The following WDR20 variants were observed in gnomAD, a reference collection of about 807,000 sequenced individuals.
The protein encoded by WDR20 is WD repeat-containing protein 20.
WDR20 carries 3 observed loss-of-function variants against 38.7 expected under a neutral mutation model. The ratio of observed to expected loss-of-function variants is 0.08; its 90% CI spans 0.04 to 0.20. The LOEUF (loss-of-function observed/expected upper bound fraction) is 0.20. Ranked by LOEUF, WDR20 falls within the 10% of genes least tolerant of loss-of-function variation. WDR20 has a pLI of 1.00. For missense variants in WDR20, 559 were observed against 727.7 expected (o/e 0.77, Z 2.67); for synonymous variants, 298 against 285.6 (o/e 1.04, Z -0.44).
chr14:102,147,839 G>T (rs1410584275), intron 1 of WDR20, among the ~76,000 whole-genome samples: 1 of 152,054 alleles, frequency 6.6e-6, no homozygotes, highest in Non-Finnish European at 1.5e-5. Flanking sequence ...CAAGCCATTC[G>T]CAGGCCTCAG....
chr14:102,209,794 C>T lies in WDR20; in HGVS notation c.1624C>T (p.Leu542Phe), dbSNP rs1157417875. The change falls in exon 3 of 3, where the codon CTT becomes TTT. Residue 542 changes from leucine to phenylalanine, a missense_variant. By Grantham distance (22) the Leu-to-Phe change is conservative (BLOSUM62 0). Transcript: ENST00000342702. The surrounding 1 kb of genome is among the most constrained non-coding windows in gnomAD (Gnocchi z 6.0). ...TGAGAGACTGACTGTACTAATATTTCTTGAAGACTGTATAGTCACTGCTTG... is the reference window on the plus strand; with the variant it reads ...TGAGAGACTGACTGTACTAATATTTTTTGAAGACTGTATAGTCACTGCTTG... ...AHERLTVLIF[L>F]EDCIVTACQE... 1.2e-6 allele frequency: 2 copies of T among 1,613,872 alleles called. No individual in the cohort carries two copies. Among genetic ancestry groups the T allele is most frequent in the African/African-American group, 1.3e-5 (1 of 74,888 alleles).
downstream of WDR20, chr14:102,214,878 T>A (rs1484071261): frequency 1.0e-6 from 1 of 984,886 alleles, no homozygotes; most frequent in Non-Finnish European, 1.2e-6. Flanking sequence ...TGCTTTGTTT[T>A]TTTTTTTAGC....
Position 102,151,257 on chromosome 14 carries a change from G to A in WDR20, c.249+11085G>A, listed in dbSNP as rs948853073. Among the ~76,000 whole-genome samples, 6 of 142,024 alleles carry A rather than the reference G, an allele frequency of 4.2e-5. No homozygotes were observed. In the Admixed American group the frequency reaches 4.4e-4, roughly 10 times the overall value. 93.2% of individuals were successfully genotyped at this position (142,024 alleles called of 152,430 possible). A position where few individuals can be genotyped will look rare whatever the true frequency, so the allele number is the denominator to read the frequency against. The stretch of plus-strand genomic sequence containing the variant: ...ATGAAGGGCTACAGTAGAGCCTGAT[G>A]TTAAACCCAAGGCCTGTGCCTAGGC... On this transcript the variant is annotated intron_variant, in intron 1 of 2. Coordinates refer to ENST00000342702, the MANE Select transcript of WDR20 (RefSeq NM_144574.4).
intron 1 of WDR20, among the ~76,000 whole-genome samples, chr14:102,161,142 A>ATATATATATATATTT (rs1342924049): frequency 3.7e-4 from 6 of 16,048 alleles, no homozygotes; most frequent in African/African-American, 9.6e-4. Context: ...ATATATATAT[A>ATATATATATATATTT]TTTTTTTTTT....
chr14:102,159,020 G>A (rs192025877), intron 1 of WDR20, among the ~76,000 whole-genome samples: 3 of 151,828 alleles, frequency 2.0e-5, no homozygotes, highest in African/African-American at 7.3e-5. Flanking sequence ...AAAGCTCACC[G>A]CAACCTTTAA....
Position 102,221,626 on chromosome 14 carries a change from A to C in WDR20, c.1693-1204A>C, listed in dbSNP as rs115630947. On this transcript the variant is annotated intron_variant, in intron 3 of 3. Coordinates refer to the WDR20 transcript ENST00000335263. The surrounding 1 kb of genome is among the most constrained non-coding windows in gnomAD (Gnocchi z 4.8). The stretch of plus-strand genomic sequence containing the variant: ...GCTGCCACATTCCGTTTGCTTCCTG[A>C]GCTTGTCTAGGTGAACAGATTTCAG... Among the ~76,000 whole-genome samples the C allele has an allele frequency of 4.6e-3, 707 of 152,244 alleles. 6 individuals carry two copies. The highest frequency in any genetic ancestry group is 0.016 in the African/African-American group (656 of 41,540).
chr14:102,195,479 A>G (rs1056567904), intron 2 of WDR20, among the ~76,000 whole-genome samples: 1 of 152,236 alleles, frequency 6.6e-6, no homozygotes, highest in African/African-American at 2.4e-5. Context: ...ATGCAGATCA[A>G]AGAACTTGAT....
chr14:102,182,528 C>T (rs768516126), intron 1 of WDR20, among the ~76,000 whole-genome samples: 2 of 152,056 alleles, frequency 1.3e-5, no homozygotes, highest in Non-Finnish European at 2.9e-5. Context: ...TATATCATTC[C>T]CATTCATGCA....
At chr14:102,213,293 T>C (rs1400077528), downstream of WDR20, 1 of 985,338 alleles carries the variant, frequency 1.0e-6, no homozygotes, top group Non-Finnish European at 1.2e-6. Flanking sequence ...AAGCTTGCCT[T>C]CTTTTAAAAG....
downstream of WDR20, among the ~76,000 whole-genome samples, chr14:102,224,127 C>T (rs928648511): frequency 3.3e-5 from 5 of 150,690 alleles, no homozygotes; most frequent in East Asian, 1.9e-4. Flanking sequence ...CTGCAAGCTC[C>T]GCCTCCCGGG....
intron 1 of WDR20, among the ~76,000 whole-genome samples, chr14:102,170,687 T>C (rs969724150): frequency 1.3e-5 from 2 of 152,000 alleles, no homozygotes; most frequent in Admixed American, 1.3e-4. Flanking sequence ...AATTTTTAAA[T>C]TTTTTTAGAG....
chr14:102,162,221 A>G (rs953968822), intron 1 of WDR20, among the ~76,000 whole-genome samples: 1 of 152,230 alleles, frequency 6.6e-6, no homozygotes, highest in Non-Finnish European at 1.5e-5. Context: ...GAGAACCGGT[A>G]CAGCAGGGAA....
At chr14:102,215,353 T>G (rs1443289987), downstream of WDR20, among the ~76,000 whole-genome samples, 3 of 152,196 alleles carry the variant, frequency 2.0e-5, no homozygotes, top group South Asian at 6.2e-4. Flanking sequence ...AGCTGGCTTT[T>G]GTTACATGGA....
chr14:102,209,615 A>G lies in WDR20; in HGVS notation c.1445A>G (p.His482Arg). The G allele has an allele frequency of 1.2e-6, 2 of 1,614,242 alleles. No homozygotes were observed. The highest frequency in any genetic ancestry group is 1.7e-6 in the Non-Finnish European group (2 of 1,180,050). The stretch of plus-strand genomic sequence containing the variant: ...CACGAGAAAGATCACAAGCGAAATC[A>G]TAGCATGGGACACATTTCTAGCAAG... Reference protein sequence around the residue: ...RHHEKDHKRNHSMGHISSKSS... With the variant: ...RHHEKDHKRNRSMGHISSKSS... Residue 482 changes from histidine to arginine, a missense_variant, in exon 3 of 3, where the codon CAT becomes CGT. By Grantham distance (29) the His-to-Arg change is conservative. Coordinates refer to ENST00000342702, the MANE Select transcript of WDR20 (RefSeq NM_144574.4). This position sits in a 1 kb window ranked among gnomAD's most constrained non-coding sequence, Gnocchi z 6.0.
intron 1 of WDR20, among the ~76,000 whole-genome samples, chr14:102,142,535 C>T (rs1307346179): frequency 1.3e-5 from 2 of 152,004 alleles, no homozygotes; most frequent in Non-Finnish European, 2.9e-5. Flanking sequence ...TTCACTACAG[C>T]CTCAAACTCC....
intron 1 of WDR20, among the ~76,000 whole-genome samples, chr14:102,168,106 TC>T (rs1027492948): frequency 6.6e-6 from 1 of 151,972 alleles, no homozygotes; most frequent in African/African-American, 2.4e-5. Context: ...ATTTCTCTCT[TC>T]CCCCCACTTC....
intron 1 of WDR20, among the ~76,000 whole-genome samples, chr14:102,141,638 G>C (rs530638675): frequency 2.0e-5 from 3 of 152,100 alleles, no homozygotes; most frequent in East Asian, 3.9e-4. Flanking sequence ...CTTTAAAAAG[G>C]GAATGTTACA....
intron 1 of WDR20, among the ~76,000 whole-genome samples, chr14:102,169,775 G>A (rs1270007073): frequency 1.3e-5 from 2 of 152,098 alleles, no homozygotes; most frequent in African/African-American, 2.4e-5. Context: ...TGATCCACCC[G>A]ACTCGGCCTC....
rs2061831887 is a variant in WDR20, at chr14:102,207,834, TAAAG to T, written c.433-765_433-762del. ...GGCAAGACTACTGACATACGCCTGT[TAAAG>T]AAACATCTCGGTCAGGGGTCCAAAG... On this transcript the variant is annotated intron_variant, in intron 2 of 2. Transcript: ENST00000342702. The surrounding 1 kb of genome is among the most constrained non-coding windows in gnomAD (Gnocchi z 5.0). 6.6e-6 allele frequency among the ~76,000 whole-genome samples: 1 copy of T among 152,180 alleles called. No homozygotes were observed. Among genetic ancestry groups the T allele is most frequent in the African/African-American group, 2.4e-5 (1 of 41,444 alleles).
Sources: gnomAD v4.1 joint callset for allele counts (sites outside exome capture counted in the v4.1 genomes callset) on GRCh38, gnomAD v4.1.1 for gene constraint, Gnocchi (gnomAD v3.1) non-coding constraint, MANE v1.5 for transcripts, NCBI Gene and HGNC (gene_info 2026-07-23, HGNC 2026-07-21) for gene names.